CCDC169: variants seen among roughly 807,000 people sequenced by gnomAD.
The protein encoded by CCDC169 is coiled-coil domain containing 169, also known as coiled-coil domain-containing protein 169.
A neutral mutation model predicts 36.0 loss-of-function variants in CCDC169; 30 were observed. That is an observed-to-expected ratio of 0.83 (90% CI 0.62 to 1.13). The LOEUF (loss-of-function observed/expected upper bound fraction) is 1.13, where lower values mean the gene tolerates loss of function less well. Among genes scored for constraint, CCDC169 ranks in the 50% most tolerant of loss-of-function variants. The pLI, the probability that CCDC169 is intolerant of heterozygous loss-of-function variation, is 0.00. For missense variants in CCDC169, 245 were observed against 245.9 expected (o/e 1.00, Z 0.03); for synonymous variants, 85 against 81.5 (o/e 1.04, Z -0.23).
intron 7 of CCDC169, among the ~76,000 whole-genome samples, chr13:36,243,067 A>T (rs1422988252): frequency 6.6e-6 from 1 of 152,228 alleles, no homozygotes; most frequent in Non-Finnish European, 1.5e-5. Flanking sequence ...ATCCTGCCAG[A>T]GGAAGAAAAG....
intron 1 of CCDC169, among the ~76,000 whole-genome samples, chr13:36,296,644 T>C (rs370216505): frequency 1.9e-4 from 29 of 152,320 alleles, no homozygotes; most frequent in African/African-American, 6.7e-4. Context: ...TTTGAGTGCC[T>C]ATTATGTTCA....
chr13:36,269,308 C>T (rs1232510723), intron 4 of CCDC169, among the ~76,000 whole-genome samples: 2 of 152,098 alleles, frequency 1.3e-5, no homozygotes, highest in African/African-American at 4.8e-5. Flanking sequence ...TAAGAACACC[C>T]AGGACCAGAT....
In CCDC169 at chr13:36,254,751, T is replaced by G. The variant is rs115866651; in HGVS notation, c.316-608A>C. ...AACTTCAATAAGGGCAATTTCCACATCGACTAATGAATAGTAGCTAAACTA... is the reference window on the plus strand; with the variant it reads ...AACTTCAATAAGGGCAATTTCCACAGCGACTAATGAATAGTAGCTAAACTA... On this transcript the variant is annotated intron_variant, in intron 4 of 7. Coordinates refer to ENST00000239859, the MANE Select transcript of CCDC169 (RefSeq NM_001144981.3). Among the ~76,000 whole-genome samples the G allele has an allele frequency of 6.3e-3, 958 of 152,244 alleles. 10 individuals are homozygous for G. The highest frequency in any genetic ancestry group is 0.022 in the African/African-American group (925 of 41,530).
chr13:36,230,683 G>T, downstream of CCDC169: 1 of 790,712 alleles, frequency 1.3e-6, no homozygotes, highest in Non-Finnish European at 1.5e-6. Context: ...GTTCATGGCA[G>T]AGTGGAGACT....
In CCDC169 at chr13:36,297,790, A is replaced by G; in HGVS notation, c.-71T>C. 2 of 1,415,200 alleles carry G rather than the reference A, an allele frequency of 1.4e-6. No homozygotes were observed. Among genetic ancestry groups the G allele is most frequent in the Non-Finnish European group, 1.9e-6 (2 of 1,030,296 alleles). The allele number at this position is 1,415,200 out of a possible 1,614,324, so 87.7% of individuals were successfully genotyped here. On this transcript the variant is annotated 5_prime_UTR_variant, in exon 1 of 8. Transcript: ENST00000239859. ...GAGCACAAGACATTAAGGGCCACCC[A>G]GAAGCCAGTACGGCACGAGGCGGTG...
chr13:36,274,959 G>T (rs535550558), intron 4 of CCDC169, among the ~76,000 whole-genome samples: 2 of 139,232 alleles, frequency 1.4e-5, no homozygotes, highest in East Asian at 2.3e-4. Flanking sequence ...GGCTCCGCCT[G>T]CCAGGTTCAC....
chr13:36,226,345 T>C (rs1869875238), downstream of CCDC169: 1 of 152,208 alleles, frequency 6.6e-6, no homozygotes, highest in Non-Finnish European at 1.5e-5. Context: ...TTCAGATTAA[T>C]CATTAGTTAA....
downstream of CCDC169, chr13:36,222,963 C>T (rs1391943508): frequency 2.0e-5 from 3 of 152,032 alleles, no homozygotes; most frequent in Admixed American, 2.0e-4. Flanking sequence ...ATTAAAGTCC[C>T]AGGAGGACAG....
At chr13:36,255,329 GC>G (rs910299516) in intron 4 of CCDC169, among the ~76,000 whole-genome samples, 44 of 152,236 alleles carry the variant, frequency 2.9e-4, no homozygotes, top group African/African-American at 9.6e-4. Context: ...GTCAGCTACA[GC>G]TTCGGGAACT....
At chr13:36,247,090 C>T (rs1872593781) in intron 7 of CCDC169, among the ~76,000 whole-genome samples, 2 of 152,182 alleles carry the variant, frequency 1.3e-5, no homozygotes, top group African/African-American at 4.8e-5. Context: ...GTACTCTATA[C>T]ATGAAACAAC....
Position 36,254,039 on chromosome 13 carries a change from A to C in CCDC169, c.414+6T>G. 6.5e-7 allele frequency: 1 copy of C among 1,543,282 alleles called. No individual in the cohort carries two copies. The highest frequency in any genetic ancestry group is 8.7e-7 in the Non-Finnish European group (1 of 1,144,678). On this transcript the variant is annotated splice_donor_region_variant and intron_variant, in intron 5 of 7. Transcript: ENST00000239859. ...AGGAATTGCTAAGTATAGAGTAAAA[A>C]CAAACCTTTGATTCTTGTTCCAGTT...
At chr13:36,245,410 C>G (rs1242553512) in intron 7 of CCDC169, among the ~76,000 whole-genome samples, 1 of 152,084 alleles carries the variant, frequency 6.6e-6, no homozygotes, top group Non-Finnish European at 1.5e-5. Flanking sequence ...GGTGATCCTC[C>G]TGTCTCAGCC....
chr13:36,237,636 A>G (rs977921449), intron 7 of CCDC169, among the ~76,000 whole-genome samples: 1 of 152,214 alleles, frequency 6.6e-6, no homozygotes, highest in Admixed American at 6.5e-5. Context: ...TATATGTTCC[A>G]ACATGGATGA....
intron 1 of CCDC169, among the ~76,000 whole-genome samples, chr13:36,296,644 T>A (rs370216505): frequency 2.6e-5 from 4 of 152,202 alleles, no homozygotes; most frequent in African/African-American, 9.7e-5. Flanking sequence ...TTTGAGTGCC[T>A]ATTATGTTCA....
downstream of CCDC169, chr13:36,224,704 TA>T (rs1228075015): frequency 6.6e-6 from 1 of 152,200 alleles, no homozygotes; most frequent in East Asian, 1.9e-4. Context: ...ATTGTTAAAA[TA>T]GTCATACTGC....
chr13:36,230,801 A>G lies in CCDC169; in HGVS notation c.*392T>C. The G allele has an allele frequency of 1.0e-5, 10 of 988,002 alleles. No homozygotes were observed. Among genetic ancestry groups the G allele is most frequent in the Non-Finnish European group, 1.2e-5 (10 of 831,832 alleles). 61.2% of individuals were successfully genotyped at this position (988,002 alleles called of 1,614,324 possible). A position where few individuals can be genotyped will look rare whatever the true frequency, so the allele number is the denominator to read the frequency against. On this transcript the variant is annotated 3_prime_UTR_variant, in exon 8 of 8. Transcript: ENST00000239859. ...GGCTTTGTTTAAACCTGCAATTTAA[A>G]AAACTGAGCAAGATCCAGCCCAAAA...
Position 36,283,629 on chromosome 13 carries a change from G to T in CCDC169, c.237C>A (p.Leu79=). 6.4e-7 allele frequency: 1 copy of T among 1,551,178 alleles called. No homozygotes were observed. The highest frequency in any genetic ancestry group is 8.7e-7 in the Non-Finnish European group (1 of 1,146,804). The stretch of plus-strand genomic sequence containing the variant: ...CATGGATTTTTTCCACTTTCTCCTT[G>T]AGATAAACAATTTGCTTTTCTAGTT... ...NDELEKQIVY[L]KEKVEKIHGN... Residue 79 remains leucine (L), a synonymous_variant, in exon 3 of 8, where the codon CTC becomes CTA. Transcript: ENST00000239859.
At chr13:36,283,569 T>TGTTTGG (rs762625720) in intron 3 of CCDC169, 23 bp downstream of exon 3, 1 of 1,551,072 alleles carries the variant, frequency 6.4e-7, no homozygotes, top group South Asian at 1.2e-5. Flanking sequence ...AATTATAAAA[T>TGTTTGG]GTACATATGA....
At position 36,297,807 on chromosome 13, in the gene CCDC169, G is replaced by C; in HGVS notation, c.-88C>G. On this transcript the variant is annotated 5_prime_UTR_variant, in exon 1 of 8. Transcript: ENST00000239859. ...GGCCACCCAGAAGCCAGTACGGCAC[G>C]AGGCGGTGAACCCCAACCGCCCCCC... is the stretch of plus-strand genomic sequence containing the variant. 3 of 1,299,954 alleles carry C rather than the reference G, an allele frequency of 2.3e-6. No individual in the cohort carries two copies. Among genetic ancestry groups the C allele is most frequent in the East Asian group, 2.5e-5 (1 of 39,424 alleles). 80.5% of individuals were successfully genotyped at this position (1,299,954 alleles called of 1,614,324 possible).
Sources: allele counts gnomAD v4.1 joint callset (sites outside exome capture counted in the v4.1 genomes callset), GRCh38; gene constraint gnomAD v4.1.1; transcripts MANE v1.5; gene names NCBI Gene and HGNC (gene_info 2026-07-23, HGNC 2026-07-21).